Variants in ECT2L observed in about 807,000 individuals in gnomAD.
The protein encoded by ECT2L is epithelial cell transforming 2 like.
In ECT2L, 126 loss-of-function variants were observed where a neutral mutation model predicts 122.8. The observed-to-expected ratio is 1.03, with a 90% CI of 0.89 to 1.19. The LOEUF (loss-of-function observed/expected upper bound fraction) is 1.19. ECT2L is among the 50% of genes most tolerant of loss of function. ECT2L has a pLI of 0.00. For synonymous variants in ECT2L, 385 were observed against 381.8 expected (o/e 1.01, Z -0.10); for missense variants, 1,012 against 1,064.1 (o/e 0.95, Z 0.68).
Position 138,885,563 on chromosome 6 carries a change from G to A in ECT2L, c.2086G>A (p.Val696Ile). The change falls in exon 17 of 22, where the codon GTT becomes ATT. Residue 696 changes from valine (V) to isoleucine (I), a missense_variant. By Grantham distance (29) the Val-to-Ile change is conservative (BLOSUM62 3). Coordinates refer to ENST00000541398, the MANE Select transcript of ECT2L (RefSeq NM_001077706.3). ...TFLKRHDKTI[V>I]TKMLSLPELL... ...CCTGAAGAGGCATGATAAGACCATT[G>A]TTACCAAAATGCTGAGGTACGTTCT... is the stretch of plus-strand genomic sequence containing the variant. 6.2e-7 allele frequency: 1 copy of A among 1,614,178 alleles called. No individual in the cohort carries two copies. The highest frequency in any genetic ancestry group is 8.5e-7 in the Non-Finnish European group (1 of 1,180,034).
intron 11 of ECT2L, among the ~76,000 whole-genome samples, chr6:138,864,002 T>C (rs1424487647): frequency 3.6e-5 from 2 of 55,846 alleles, no homozygotes; most frequent in African/African-American, 1.6e-4. Flanking sequence ...TCTCCGTATT[T>C]AAAAAAAAAA....
At chr6:138,879,181 C>A in intron 14 of ECT2L, 1 of 281,446 alleles carries the variant, frequency 3.6e-6, no homozygotes, top group South Asian at 3.6e-5. Context: ...ACAAGCCTTG[C>A]TATTCACAAT....
intron 1 of ECT2L, among the ~76,000 whole-genome samples, chr6:138,807,419 T>C (rs1171544323): frequency 6.6e-6 from 1 of 152,200 alleles, no homozygotes; most frequent in Admixed American, 6.5e-5. Context: ...TATAGATTCA[T>C]TGACACATTT....
At chr6:138,805,358 A>C (rs943629619) in intron 1 of ECT2L, among the ~76,000 whole-genome samples, 1 of 152,188 alleles carries the variant, frequency 6.6e-6, no homozygotes, top group Admixed American at 6.5e-5. Flanking sequence ...AAATAACGCC[A>C]AATAGTTTTT....
intron 9 of ECT2L, 125 bp downstream of exon 9, chr6:138,849,559 T>A (rs1165928779): frequency 5.3e-5 from 55 of 1,035,468 alleles, no homozygotes; most frequent in Non-Finnish European, 6.6e-5. Context: ...TTTGGCTTTA[T>A]GAAAAAAGCG....
At position 138,868,316 on chromosome 6, in the gene ECT2L, C is replaced by A. The variant is rs945038748; in HGVS notation, c.1578+110C>A. The A allele has an allele frequency of 6.0e-6, 5 of 836,366 alleles. No individual in the cohort carries two copies. The East Asian group carries it at 1.1e-4, about 19-fold the overall frequency. The allele number at this position is 836,366 out of a possible 1,614,324, so 51.8% of individuals were successfully genotyped here. ...AGTTTATCCCTTTCAGAGCACAGTT[C>A]CTCAGAGAAATTACATCAGTTTATA... On this transcript the variant is annotated intron_variant, in intron 13 of 21. Coordinates refer to ENST00000541398, the MANE Select transcript of ECT2L (RefSeq NM_001077706.3).
chr6:138,900,410 C>G (rs1331832078), intron 20 of ECT2L, among the ~76,000 whole-genome samples: 1 of 152,068 alleles, frequency 6.6e-6, no homozygotes, highest in Admixed American at 6.5e-5. Context: ...CCATGCATGG[C>G]TAATTTTTGT....
chr6:138,894,984 T>C (rs1364573758), intron 20 of ECT2L, among the ~76,000 whole-genome samples: 2 of 152,054 alleles, frequency 1.3e-5, no homozygotes, highest in Non-Finnish European at 2.9e-5. Context: ...ATTGACTGGG[T>C]GTGGTGGCTC....
intron 3 of ECT2L, 76 bp from the exon 4 acceptor site, chr6:138,814,415 A>G: frequency 2.3e-6 from 2 of 866,608 alleles, no homozygotes; most frequent in Non-Finnish European, 1.8e-6. Flanking sequence ...TTGCTGGTAG[A>G]TTGTCTAAAG....
At chr6:138,853,255 C>T (rs889962055) in intron 9 of ECT2L, among the ~76,000 whole-genome samples, 2 of 152,124 alleles carry the variant, frequency 1.3e-5, no homozygotes, top group African/African-American at 2.4e-5. Context: ...CGTGAGCCAC[C>T]GCGCCTGGCC....
At chr6:138,817,737 A>AT (rs1460590310) in intron 4 of ECT2L, among the ~76,000 whole-genome samples, 1 of 152,182 alleles carries the variant, frequency 6.6e-6, no homozygotes, top group Admixed American at 6.5e-5. Flanking sequence ...TATTTAAGAC[A>AT]TTTTTTAAAG....
intron 3 of ECT2L, among the ~76,000 whole-genome samples, chr6:138,813,958 G>A (rs553454265): frequency 1.3e-5 from 2 of 152,156 alleles, no homozygotes; most frequent in Admixed American, 6.5e-5. Flanking sequence ...AGGTTTGGGG[G>A]ACTCTGGTCC....
chr6:138,897,408 A>G (rs146598255), intron 20 of ECT2L, among the ~76,000 whole-genome samples: 11 of 152,366 alleles, frequency 7.2e-5, no homozygotes, highest in South Asian at 2.1e-4. Context: ...ATTAGATATC[A>G]TAAGTAACCT....
intron 1 of ECT2L, among the ~76,000 whole-genome samples, chr6:138,809,162 G>C (rs904635664): frequency 6.6e-6 from 1 of 152,232 alleles, no homozygotes; most frequent in Non-Finnish European, 1.5e-5. Context: ...TTAGTGTCAT[G>C]TCTGCTATAG....
chr6:138,869,544 A>G (rs962661550), intron 13 of ECT2L, among the ~76,000 whole-genome samples: 5 of 152,198 alleles, frequency 3.3e-5, no homozygotes, highest in African/African-American at 1.2e-4. Context: ...CAGGCAGCCC[A>G]ATGACGAAAG....
chr6:138,887,737 C>A (rs1778876661), intron 19 of ECT2L, among the ~76,000 whole-genome samples: 2 of 152,222 alleles, frequency 1.3e-5, no homozygotes, highest in South Asian at 4.1e-4. Flanking sequence ...ATGTTAACCT[C>A]TTTTCACACA....
intron 1 of ECT2L, among the ~76,000 whole-genome samples, chr6:138,799,035 C>T (rs1775440747): frequency 6.6e-6 from 1 of 152,214 alleles, no homozygotes; most frequent in South Asian, 2.1e-4. Flanking sequence ...TGACCACAAG[C>T]CACTCCGGGA....
At chr6:138,895,374 G>A (rs1779172609) in intron 20 of ECT2L, among the ~76,000 whole-genome samples, 1 of 152,092 alleles carries the variant, frequency 6.6e-6, no homozygotes, top group South Asian at 2.1e-4. Context: ...AGGTAGGACA[G>A]GAACCACGTT....
chr6:138,839,359 A>C, intron 5 of ECT2L, among the ~76,000 whole-genome samples: 2 of 135,066 alleles, frequency 1.5e-5, no homozygotes, highest in Admixed American at 7.9e-5. Context: ...GTAACTAAAC[A>C]CATACTTTTT....
Sources: allele counts gnomAD v4.1 joint callset (sites outside exome capture counted in the v4.1 genomes callset), GRCh38; gene constraint gnomAD v4.1.1; transcripts MANE v1.5; gene names NCBI Gene and HGNC (gene_info 2026-07-23, HGNC 2026-07-21).